The following THSD4 variants were observed in gnomAD, a reference collection of about 807,000 sequenced individuals.
The protein encoded by THSD4 is thrombospondin type 1 domain containing 4, also known as thrombospondin type-1 domain-containing protein 4.
Under a neutral mutation model 119.0 loss-of-function variants are expected in THSD4, and 69 were observed. The ratio of observed to expected loss-of-function variants is 0.58; its 90% CI spans 0.48 to 0.71. The LOEUF (loss-of-function observed/expected upper bound fraction) is 0.71, where lower values mean the gene tolerates loss of function less well. Among genes scored for constraint, THSD4 ranks in the 30% least tolerant of loss-of-function variants. The pLI is 0.00. For missense variants in THSD4, 1,393 were observed against 1,391.1 expected (o/e 1.00, Z -0.02); for synonymous variants, 524 against 540.4 (o/e 0.97, Z 0.42).
chr15:71,412,684 T>G (rs2046705851), intron 7 of THSD4, among the ~76,000 whole-genome samples: 1 of 152,178 alleles, frequency 6.6e-6, no homozygotes, highest in Non-Finnish European at 1.5e-5. Context: ...TATAACTTGC[T>G]ACAGTGTTTA....
chr15:71,222,924 C>A (rs372414273), intron 4 of THSD4, among the ~76,000 whole-genome samples: 1 of 152,302 alleles, frequency 6.6e-6, no homozygotes, highest in African/African-American at 2.4e-5. Context: ...TCTGACCCTG[C>A]CACTTGCTGG....
chr15:71,464,744 G>A (rs2047477068), intron 7 of THSD4, among the ~76,000 whole-genome samples: 2 of 151,978 alleles, frequency 1.3e-5, no homozygotes, highest in African/African-American at 4.8e-5. Flanking sequence ...CCCAGTTTTG[G>A]GAGATGGACA....
chr15:71,572,575 C>T (rs1402898457), intron 7 of THSD4, among the ~76,000 whole-genome samples: 1 of 152,098 alleles, frequency 6.6e-6, no homozygotes, highest in Non-Finnish European at 1.5e-5. Context: ...AGCTCTGGCG[C>T]TGGGCATGTA....
intron 6 of THSD4, among the ~76,000 whole-genome samples, chr15:71,280,637 T>C (rs963485097): frequency 2.6e-5 from 4 of 152,176 alleles, no homozygotes; most frequent in Middle Eastern, 3.4e-3. Flanking sequence ...TTCCTGTGTT[T>C]CTGTTTCTTT....
At chr15:71,188,882 C>T (rs2043642092) in intron 3 of THSD4, 1 of 152,634 alleles carries the variant, frequency 6.6e-6, no homozygotes, top group Non-Finnish European at 1.5e-5. Flanking sequence ...GAGTGACTCG[C>T]CACAGGGTGT....
chr15:71,631,925 T>C (rs1026820291), intron 7 of THSD4, among the ~76,000 whole-genome samples: 1 of 152,230 alleles, frequency 6.6e-6, no homozygotes, highest in African/African-American at 2.4e-5. Context: ...ATTAGGAGCA[T>C]GGGCTTTGGA....
intron 7 of THSD4, among the ~76,000 whole-genome samples, chr15:71,486,635 T>G (rs2047826365): frequency 9.6e-6 from 1 of 104,574 alleles, no homozygotes; most frequent in Non-Finnish European, 2.2e-5. Flanking sequence ...TTTTTTTTTT[T>G]TATTTCCCAC....
At chr15:71,768,672 C>A (rs1335626780) in intron 16 of THSD4, among the ~76,000 whole-genome samples, 3 of 145,992 alleles carry the variant, frequency 2.1e-5, no homozygotes, top group Admixed American at 1.5e-4. Flanking sequence ...TCACGCCATT[C>A]TCCTGCCTCA....
chr15:71,183,499 A>G (rs888725075), intron 3 of THSD4, among the ~76,000 whole-genome samples: 13 of 151,616 alleles, frequency 8.6e-5, no homozygotes, highest in African/African-American at 3.1e-4. Context: ...GAGGGTGATA[A>G]TAGTACCTAT....
At chr15:71,524,587 C>CTTTTT (rs71438517) in intron 7 of THSD4, among the ~76,000 whole-genome samples, 930 of 59,550 alleles carry the variant, frequency 0.016, 123 homozygotes, top group Non-Finnish European at 0.025. Flanking sequence ...GTTTATGCCT[C>CTTTTT]TTTTTTTTTT....
chr15:71,217,640 C>T (rs967036025), intron 4 of THSD4, among the ~76,000 whole-genome samples: 1 of 151,500 alleles, frequency 6.6e-6, no homozygotes, highest in Non-Finnish European at 1.5e-5. Context: ...AAAAAAAGAT[C>T]AGGTTTGTTG....
chr15:71,639,982 G>A (rs1267331095), intron 7 of THSD4, among the ~76,000 whole-genome samples: 28 of 152,056 alleles, frequency 1.8e-4, no homozygotes, highest in Admixed American at 1.8e-3. Context: ...ACTTTTTTCA[G>A]TAAAGATAGG....
At chr15:71,618,333 T>C (rs1163472375) in intron 7 of THSD4, among the ~76,000 whole-genome samples, 4 of 152,212 alleles carry the variant, frequency 2.6e-5, no homozygotes, top group Non-Finnish European at 5.9e-5. Context: ...AGGGCACCTC[T>C]CCCACATGCG....
intron 6 of THSD4, among the ~76,000 whole-genome samples, chr15:71,279,182 G>A (rs114599389): frequency 3.9e-4 from 59 of 152,304 alleles, no homozygotes; most frequent in African/African-American, 1.3e-3. Context: ...GTCAATTCAC[G>A]TAGCCTCTTG....
Position 71,345,773 on chromosome 15 carries a change from G to A in THSD4, c.1016-65914G>A, listed in dbSNP as rs1048025531. 4.7e-5 allele frequency among the ~76,000 whole-genome samples: 7 copies of A among 148,468 alleles called. No homozygotes were observed. The Admixed American group carries it at 4.8e-4, about 10-fold the overall frequency. ...CGTTAGAGTGCCTTCGCCAGAATAA[G>A]TGAACATAATTCTTTGGGTGTTTTG... On this transcript the variant is annotated intron_variant, in intron 6 of 17. Coordinates refer to ENST00000261862, the MANE Select transcript of THSD4 (RefSeq NM_024817.3).
intron 7 of THSD4, among the ~76,000 whole-genome samples, chr15:71,654,059 T>C (rs892888727): frequency 6.6e-6 from 1 of 152,260 alleles, no homozygotes; most frequent in African/African-American, 2.4e-5. Context: ...ACTTTCCTGT[T>C]TGTGTTGCAA....
At chr15:71,583,917 C>G (rs966714748) in intron 7 of THSD4, among the ~76,000 whole-genome samples, 2 of 152,084 alleles carry the variant, frequency 1.3e-5, no homozygotes, top group African/African-American at 2.4e-5. Context: ...TCTGTTGGGT[C>G]CATTTGGTCT....
At chr15:71,543,242 A>G (rs2048786802) in intron 7 of THSD4, among the ~76,000 whole-genome samples, 1 of 152,226 alleles carries the variant, frequency 6.6e-6, no homozygotes, top group Non-Finnish European at 1.5e-5. Flanking sequence ...CTGTAAACCT[A>G]AAGTTATTTC....
intron 6 of THSD4, among the ~76,000 whole-genome samples, chr15:71,367,364 A>G (rs1395102825): frequency 6.6e-6 from 1 of 152,176 alleles, no homozygotes; most frequent in Non-Finnish European, 1.5e-5. Context: ...ACATATGTAT[A>G]CATGTGCCAT....
Sources: allele counts gnomAD v4.1 joint callset (sites outside exome capture counted in the v4.1 genomes callset), GRCh38; gene constraint gnomAD v4.1.1; transcripts MANE v1.5; gene names NCBI Gene and HGNC (gene_info 2026-07-23, HGNC 2026-07-21).